Variants in PBX3 observed in about 807,000 individuals in gnomAD.
The protein encoded by PBX3 is pre-B-cell leukemia transcription factor 3.
A neutral mutation model predicts 48.5 loss-of-function variants in PBX3; 14 were observed. The observed-to-expected ratio is 0.29, with a 90% CI of 0.19 to 0.45. PBX3 has a LOEUF of 0.45. PBX3 is among the 20% of genes least tolerant of loss of function. The pLI, the probability that PBX3 is intolerant of heterozygous loss-of-function variation, is 1.00. For missense variants in PBX3, 386 were observed against 546.7 expected (o/e 0.71, Z 2.93); for synonymous variants, 210 against 200.3 (o/e 1.05, Z -0.41).
intron 2 of PBX3, among the ~76,000 whole-genome samples, chr9:125,807,400 C>A (rs1588166423): frequency 6.6e-6 from 1 of 151,896 alleles, no homozygotes; most frequent in African/African-American, 2.4e-5. Context: ...GCTATAGAAA[C>A]TGATGTAGTT....
At position 125,752,729 on chromosome 9, in the gene PBX3, T is replaced by C. The variant is rs369257161; in HGVS notation, c.274+4106T>C. Among the ~76,000 whole-genome samples the C allele has an allele frequency of 8.5e-5, 13 of 152,196 alleles. No individual in the cohort carries two copies. The East Asian group carries it at 9.6e-4, about 11-fold the overall frequency. Reference sequence around the variant, plus strand: ...TCTTTTAATTCTACATATGTAAAAATCAATTTTTTCAAGTGAAAATTTAGC... The same window carrying C: ...TCTTTTAATTCTACATATGTAAAAACCAATTTTTTCAAGTGAAAATTTAGC... On this transcript the variant is annotated intron_variant, in intron 2 of 8. Coordinates refer to ENST00000373489, the MANE Select transcript of PBX3 (RefSeq NM_006195.6).
At chr9:125,801,337 T>C (rs192172384) in intron 2 of PBX3, among the ~76,000 whole-genome samples, 1 of 152,360 alleles carries the variant, frequency 6.6e-6, no homozygotes, top group East Asian at 1.9e-4. Flanking sequence ...TATCTGTCTA[T>C]ATAAGACACA....
chr9:125,863,374 T>G (rs1475923876), intron 2 of PBX3, among the ~76,000 whole-genome samples: 2 of 152,058 alleles, frequency 1.3e-5, no homozygotes, highest in East Asian at 3.9e-4. Flanking sequence ...CAGCTATTTC[T>G]TTGTTTTTTG....
chr9:125,822,322 C>A (rs76294184), intron 2 of PBX3, among the ~76,000 whole-genome samples: 2 of 152,224 alleles, frequency 1.3e-5, no homozygotes, highest in East Asian at 3.9e-4. Flanking sequence ...TTTGTCTGTT[C>A]TATTGCCCAT....
At chr9:125,884,005 T>C (rs1471357558) in intron 2 of PBX3, among the ~76,000 whole-genome samples, 2 of 152,150 alleles carry the variant, frequency 1.3e-5, no homozygotes, top group African/African-American at 2.4e-5. Context: ...TCATAAGACA[T>C]TTACCCCATG....
chr9:125,797,219 A>G (rs990706483), intron 2 of PBX3, among the ~76,000 whole-genome samples: 5 of 152,148 alleles, frequency 3.3e-5, no homozygotes, highest in African/African-American at 1.2e-4. Context: ...CCTAGATTCT[A>G]TTTTTAGGAC....
intron 2 of PBX3, among the ~76,000 whole-genome samples, chr9:125,792,824 G>T (rs183664661): frequency 1.3e-3 from 199 of 150,020 alleles, no homozygotes; most frequent in African/African-American, 3.9e-3. Flanking sequence ...TCAGCCTCCC[G>T]AGTAGCTGGG....
At position 125,747,391 on chromosome 9, in the gene PBX3, C is replaced by A. The variant is rs1836214677; in HGVS notation, c.-63C>A. The A allele has an allele frequency of 1.8e-6, 2 of 1,115,284 alleles. No individual in the cohort carries two copies. Among genetic ancestry groups the A allele is most frequent in the Non-Finnish European group, 2.3e-6 (2 of 852,972 alleles). 69.1% of individuals were successfully genotyped at this position (1,115,284 alleles called of 1,614,324 possible). A position where few individuals can be genotyped will look rare whatever the true frequency, so the allele number is the denominator to read the frequency against. On this transcript the variant is annotated 5_prime_UTR_variant, in exon 1 of 9. Transcript: ENST00000373489. ...CTTTCTTCTCCTCCCTCGTCGCCGC[C>A]GCCGCCGCCGCCGCCTCAGCCTTCG...
At chr9:125,924,769 G>A (rs1216779788) in intron 3 of PBX3, among the ~76,000 whole-genome samples, 1 of 152,148 alleles carries the variant, frequency 6.6e-6, no homozygotes, top group Non-Finnish European at 1.5e-5. Flanking sequence ...AGCTTACAAT[G>A]GTGGATGCAA....
chr9:125,950,154 A>G (rs2118760140), intron 5 of PBX3, among the ~76,000 whole-genome samples: 1 of 152,334 alleles, frequency 6.6e-6, no homozygotes, highest in South Asian at 2.1e-4. Flanking sequence ...GGAGCTGAAC[A>G]GTGTCATCCA....
At chr9:125,817,931 G>A (rs948105156) in intron 2 of PBX3, among the ~76,000 whole-genome samples, 8 of 152,160 alleles carry the variant, frequency 5.3e-5, no homozygotes, top group African/African-American at 1.7e-4. Context: ...GGCTGGATGC[G>A]GTGGCTCACG....
chr9:125,850,098 G>A (rs538070669), intron 2 of PBX3, among the ~76,000 whole-genome samples: 31 of 152,036 alleles, frequency 2.0e-4, no homozygotes, highest in South Asian at 8.3e-4. Context: ...TGATTTTGAC[G>A]TCTTAGTCTA....
intron 2 of PBX3, among the ~76,000 whole-genome samples, chr9:125,847,613 A>G (rs1415821470): frequency 6.6e-6 from 1 of 151,966 alleles, no homozygotes; most frequent in Non-Finnish European, 1.5e-5. Context: ...AAGACCAAAT[A>G]TTTATATTAT....
At chr9:125,805,666 G>C (rs1260510800) in intron 2 of PBX3, among the ~76,000 whole-genome samples, 1 of 152,160 alleles carries the variant, frequency 6.6e-6, no homozygotes, top group African/African-American at 2.4e-5. Context: ...TTGGAAGGAA[G>C]GAGTCAAGAA....
chr9:125,928,779 TAA>T (rs1841647063), intron 3 of PBX3, among the ~76,000 whole-genome samples: 1 of 152,146 alleles, frequency 6.6e-6, no homozygotes, highest in Admixed American at 6.6e-5. Context: ...GATTGTTAAC[TAA>T]AAAGTTTGAG....
intron 2 of PBX3, among the ~76,000 whole-genome samples, chr9:125,880,964 G>A (rs1056053040): frequency 6.6e-6 from 1 of 152,202 alleles, no homozygotes; most frequent in African/African-American, 2.4e-5. Context: ...TAGGTGTATT[G>A]TGCATTTTAC....
intron 2 of PBX3, among the ~76,000 whole-genome samples, chr9:125,750,912 T>C (rs1836356958): frequency 6.6e-6 from 1 of 152,130 alleles, no homozygotes. Flanking sequence ...AAACTAGTCT[T>C]AGAATGAGAC....
intron 2 of PBX3, among the ~76,000 whole-genome samples, chr9:125,859,693 A>G (rs1357983178): frequency 6.6e-6 from 1 of 152,204 alleles, no homozygotes; most frequent in Admixed American, 6.5e-5. Context: ...TGGTCAGTGT[A>G]AAAGGTGATC....
chr9:125,780,507 GT>G (rs1837242548), intron 2 of PBX3, among the ~76,000 whole-genome samples: 2 of 137,094 alleles, frequency 1.5e-5, no homozygotes, highest in African/African-American at 5.5e-5. Flanking sequence ...GTCTGGCCGG[GT>G]GGGGGGCTAA....
Sources: allele counts gnomAD v4.1 joint callset (sites outside exome capture counted in the v4.1 genomes callset), GRCh38; gene constraint gnomAD v4.1.1; transcripts MANE v1.5; gene names NCBI Gene and HGNC (gene_info 2026-07-23, HGNC 2026-07-21).